SNTG2: variants seen among roughly 807,000 people sequenced by gnomAD.
The protein encoded by SNTG2 is syntrophin gamma 2, also known as gamma-2-syntrophin.
In SNTG2, 74 loss-of-function variants were observed where a neutral mutation model predicts 70.9. The ratio of observed to expected loss-of-function variants is 1.04; its 90% CI spans 0.86 to 1.27. The LOEUF is 1.27. SNTG2 is among the 50% of genes most tolerant of loss of function. The probability of loss-of-function intolerance (pLI) is 0.00; values close to 1 mark genes in which losing one functional copy is unlikely to be tolerated. For synonymous variants in SNTG2, 278 were observed against 273.8 expected, an observed-to-expected ratio of 1.02 and a Z score of -0.15; for missense variants, 717 against 690.7, an observed-to-expected ratio of 1.04 and a Z score of -0.43.
intron 15 of SNTG2, among the ~76,000 whole-genome samples, chr2:1,315,542 G>A (rs1434865588): frequency 6.6e-6 from 1 of 151,984 alleles, no homozygotes. Context: ...TTATAATGAA[G>A]TATCTATAAT....
chr2:1,064,179 CTG>C (rs1663005116), intron 1 of SNTG2, among the ~76,000 whole-genome samples: 1 of 147,540 alleles, frequency 6.8e-6, no homozygotes, highest in Non-Finnish European at 1.5e-5. Context: ...AATTCTGTAT[CTG>C]TGAAAGTATT....
At chr2:1,154,876 AACAC>A (rs533489397) in intron 6 of SNTG2, among the ~76,000 whole-genome samples, 6 of 150,382 alleles carry the variant, frequency 4.0e-5, no homozygotes, top group Non-Finnish European at 8.9e-5. Flanking sequence ...ACACCACACA[AACAC>A]ACCACACACA....
chr2:1,089,402 T>C (rs1252784793), intron 2 of SNTG2, among the ~76,000 whole-genome samples: 2 of 152,214 alleles, frequency 1.3e-5, no homozygotes, highest in Non-Finnish European at 2.9e-5. Context: ...TTTGGGAGTC[T>C]GAGGCAGGAG....
chr2:1,338,873 A>G (rs191446647), intron 16 of SNTG2, among the ~76,000 whole-genome samples: 1 of 152,268 alleles, frequency 6.6e-6, no homozygotes, highest in Admixed American at 6.5e-5. Flanking sequence ...ATTTTTTGGA[A>G]TACCCATGGG....
intron 16 of SNTG2, among the ~76,000 whole-genome samples, chr2:1,336,195 C>T (rs1192661391): frequency 6.6e-6 from 1 of 152,148 alleles, no homozygotes; most frequent in Admixed American, 6.5e-5. Flanking sequence ...TTCCAATTCT[C>T]CCCACTCTCT....
chr2:950,937 A>G lies in SNTG2; in HGVS notation c.-60A>G, dbSNP rs1237535023. On this transcript the variant is annotated 5_prime_UTR_variant, in exon 1 of 17. Coordinates refer to ENST00000308624, the MANE Select transcript of SNTG2 (RefSeq NM_018968.4). ...CCTGGCGGGGCCCTGGGAGGCTCGG[A>G]CGGGGTCCTGGCGTTGAGCTCGGCC... is the stretch of plus-strand genomic sequence containing the variant. 4 of 909,490 alleles carry G rather than the reference A, an allele frequency of 4.4e-6. No homozygotes were observed. Among genetic ancestry groups the G allele is most frequent in the Non-Finnish European group, 5.7e-6 (4 of 705,508 alleles). 56.3% of individuals were successfully genotyped at this position (909,490 alleles called of 1,614,324 possible).
rs562415359 is a variant in SNTG2 at position 1,247,443 on chromosome 2, G to C, written c.1005G>C (p.Pro335=). ...CCTTCTACGTTTTCAGCACTCCTCCGGTAAGGATGCTTTTGACACTCCACA... is the reference window on the plus strand; with the variant it reads ...CCTTCTACGTTTTCAGCACTCCTCCCGTAAGGATGCTTTTGACACTCCACA... ...GPSFYVFSTP[P]VSTFDWVRAE... is the part of the protein sequence containing the mutation. The change falls in exon 12 of 17, where the codon CCG becomes CCC. Residue 335 remains proline, a splice_region_variant and synonymous_variant. Coordinates refer to ENST00000308624, the MANE Select transcript of SNTG2 (RefSeq NM_018968.4). 6.2e-7 allele frequency: 1 copy of C among 1,605,960 alleles called. No homozygotes were observed. The highest frequency in any genetic ancestry group is 1.1e-5 in the South Asian group (1 of 90,864).
At position 1,050,371 on chromosome 2, in the gene SNTG2, T is replaced by C. The variant is rs1661987062; in HGVS notation, c.73-33147T>C. The stretch of plus-strand genomic sequence containing the variant: ...TCCAGCTAGAGTTTTTTCTTCTGTA[T>C]GCTCTGAATTAGGGTTCAAAGTTTG... On this transcript the variant is annotated intron_variant, in intron 1 of 16. Coordinates refer to ENST00000308624, the MANE Select transcript of SNTG2 (RefSeq NM_018968.4). Among the ~76,000 whole-genome samples the C allele has an allele frequency of 2.6e-5, 4 of 152,338 alleles. No individual in the cohort carries two copies. The South Asian group carries it at 8.3e-4, about 32-fold the overall frequency.
chr2:995,972 A>T (rs1661667493), intron 1 of SNTG2, among the ~76,000 whole-genome samples: 1 of 152,182 alleles, frequency 6.6e-6, no homozygotes, highest in Non-Finnish European at 1.5e-5. Context: ...AAATTTTAAC[A>T]TATGACCTGA....
At chr2:1,090,629 G>C (rs113161916) in intron 2 of SNTG2, among the ~76,000 whole-genome samples, 5 of 152,166 alleles carry the variant, frequency 3.3e-5, no homozygotes, top group African/African-American at 1.2e-4. Flanking sequence ...TTGACTTGGG[G>C]TTTTCTCCAT....
At chr2:1,094,121 C>G (rs1665219751) in intron 2 of SNTG2, among the ~76,000 whole-genome samples, 1 of 124,262 alleles carries the variant, frequency 8.0e-6, no homozygotes. Context: ...TCCTGGCTTG[C>G]AGGCGAAGGC....
chr2:1,192,096 C>T (rs1033049085), intron 8 of SNTG2, among the ~76,000 whole-genome samples: 10 of 152,138 alleles, frequency 6.6e-5, no homozygotes. Context: ...TAAACAGCAG[C>T]TCTGTTAAGA....
At chr2:1,005,288 A>G (rs927216806) in intron 1 of SNTG2, among the ~76,000 whole-genome samples, 1 of 152,094 alleles carries the variant, frequency 6.6e-6, no homozygotes, top group African/African-American at 2.4e-5. Flanking sequence ...AGAATGCACA[A>G]CACCTGGAGT....
chr2:1,126,331 G>A (rs1461960111), intron 4 of SNTG2, among the ~76,000 whole-genome samples: 3 of 152,174 alleles, frequency 2.0e-5, no homozygotes, highest in Non-Finnish European at 2.9e-5. Flanking sequence ...TCTGTGTGTG[G>A]CTGAATAGTG....
Position 951,022 on chromosome 2 carries a change from C to T in SNTG2, c.26C>T (p.Pro9Leu). 1 of 1,265,744 alleles carries T rather than the reference C, an allele frequency of 7.9e-7. No homozygotes were observed. Among genetic ancestry groups the T allele is most frequent in the Non-Finnish European group, 9.9e-7 (1 of 1,008,576 alleles). 78.4% of individuals were successfully genotyped at this position (1,265,744 alleles called of 1,614,324 possible). A position where few individuals can be genotyped will look rare whatever the true frequency, so the allele number is the denominator to read the frequency against. Residue 9 changes from proline (P) to leucine (L), a missense_variant, in exon 1 of 17, where the codon CCG becomes CTG. Physicochemically the swap from Pro to Leu is moderately conservative, Grantham distance 98. Transcript: ENST00000308624. ...ATGGGCACCGAGGGACCCCCGCCCC[C>T]GGCCGCCTCCCGCGGACGCCAGGGC... MGTEGPPP[P>L]AASRGRQGCL... is the part of the protein sequence containing the mutation.
chr2:983,517 C>T lies in SNTG2; in HGVS notation c.72+32449C>T, dbSNP rs114008786. ...TCCTGCATGACTTTCAGGGGGGCTG[C>T]GAAGCAGGTGTCCCAGATCTAACCC... On this transcript the variant is annotated intron_variant, in intron 1 of 16. Transcript: ENST00000308624. Among the ~76,000 whole-genome samples the T allele has an allele frequency of 6.1e-3, 930 of 152,284 alleles. 15 individuals are homozygous for T. The highest frequency in any genetic ancestry group is 0.021 in the African/African-American group (881 of 41,560).
chr2:1,170,190 G>A (rs145827615), intron 7 of SNTG2, among the ~76,000 whole-genome samples: 1 of 152,066 alleles, frequency 6.6e-6, no homozygotes, highest in African/African-American at 2.4e-5. Context: ...GTCAAAGTAG[G>A]GTTTTATTTT....
chr2:1,364,084 C>T (rs1661343545), intron 16 of SNTG2, among the ~76,000 whole-genome samples: 1 of 152,096 alleles, frequency 6.6e-6, no homozygotes, highest in Non-Finnish European at 1.5e-5. Context: ...GATTCTTGTG[C>T]CTCAGCCTCC....
intron 12 of SNTG2, among the ~76,000 whole-genome samples, chr2:1,250,545 C>T (rs1677693426): frequency 6.6e-6 from 1 of 151,990 alleles, no homozygotes. Context: ...CCACTCTTTG[C>T]TCCTCTCAAG....
Sources: gnomAD v4.1 joint callset for allele counts (sites outside exome capture counted in the v4.1 genomes callset) on GRCh38, gnomAD v4.1.1 for gene constraint, MANE v1.5 for transcripts, NCBI Gene and HGNC (gene_info 2026-07-23, HGNC 2026-07-21) for gene names.